The following DLG1 variants were observed in gnomAD, a reference collection of about 807,000 sequenced individuals.
DLG1 encodes disks large homolog 1.
DLG1 carries 42 observed loss-of-function variants against 123.4 expected under a neutral mutation model. The ratio of observed to expected loss-of-function variants is 0.34; its 90% CI spans 0.27 to 0.44. The LOEUF (loss-of-function observed/expected upper bound fraction) is 0.44. Among genes scored for constraint, DLG1 ranks in the 20% least tolerant of loss-of-function variants. DLG1 has a pLI of 1.00. For missense variants in DLG1, 942 were observed against 1,082.6 expected, an observed-to-expected ratio of 0.87 and a Z score of 1.82; for synonymous variants, 317 against 356.2, an observed-to-expected ratio of 0.89 and a Z score of 1.24.
At chr3:197,117,890 G>A (rs1284862737) in intron 12 of DLG1, among the ~76,000 whole-genome samples, 2 of 151,954 alleles carry the variant, frequency 1.3e-5, no homozygotes, top group South Asian at 2.1e-4. Flanking sequence ...CTTTAAACAG[G>A]TGAAATTTAT....
At chr3:197,239,595 A>AT (rs34899811) in intron 4 of DLG1, among the ~76,000 whole-genome samples, 109,179 of 151,814 alleles carry the variant, frequency 0.72, 39,423 homozygotes, top group East Asian at 0.81. Context: ...AGCAAATCAG[A>AT]TTGACAGCAT....
chr3:197,133,473 G>A (rs977759747), intron 10 of DLG1, among the ~76,000 whole-genome samples: 11 of 152,176 alleles, frequency 7.2e-5, no homozygotes, highest in African/African-American at 2.7e-4. Context: ...AAATACATGA[G>A]TGGTGTTTTT....
chr3:197,286,171 A>G (rs1317820665), intron 3 of DLG1, among the ~76,000 whole-genome samples: 1 of 152,236 alleles, frequency 6.6e-6, no homozygotes, highest in Non-Finnish European at 1.5e-5. Flanking sequence ...AGGCAAAACT[A>G]TGGAGACAGT....
intron 12 of DLG1, among the ~76,000 whole-genome samples, chr3:197,118,945 A>G (rs1025131303): frequency 6.6e-6 from 1 of 152,112 alleles, no homozygotes; most frequent in East Asian, 1.9e-4. Flanking sequence ...TGGAGGCTGC[A>G]GTGATGTACG....
chr3:197,163,687 A>ATTTTTTTTTTTTTT (rs56865627), intron 5 of DLG1, among the ~76,000 whole-genome samples: 33 of 102,048 alleles, frequency 3.2e-4, no homozygotes, highest in African/African-American at 3.8e-4. Flanking sequence ...ATGCTCAGCT[A>ATTTTTTTTTTTTTT]TTTTTTTTTT....
intron 11 of DLG1, among the ~76,000 whole-genome samples, chr3:197,129,457 T>A (rs1242463156): frequency 6.6e-6 from 1 of 152,216 alleles, no homozygotes; most frequent in African/African-American, 2.4e-5. Flanking sequence ...AATCTTATGG[T>A]TGGTTTGATC....
intron 4 of DLG1, among the ~76,000 whole-genome samples, chr3:197,234,351 C>G (rs920727291): frequency 6.6e-6 from 1 of 152,144 alleles, no homozygotes; most frequent in Admixed American, 6.5e-5. Flanking sequence ...ATGCTTTTCT[C>G]AGGGAGGAGG....
intron 5 of DLG1, among the ~76,000 whole-genome samples, chr3:197,182,899 T>C (rs1181066317): frequency 6.6e-6 from 1 of 152,194 alleles, no homozygotes; most frequent in African/African-American, 2.4e-5. Flanking sequence ...GTGATTTTTT[T>C]TAATTTTGAG....
chr3:197,164,498 G>T lies in DLG1; in HGVS notation c.484-14702C>A, dbSNP rs550875820. Reference sequence around the variant, plus strand: ...CCTATGTTTTAAGGTACTCCCATAAGGTGTTCTAAGGTTTTAAGATAGTCT... The same window carrying T: ...CCTATGTTTTAAGGTACTCCCATAATGTGTTCTAAGGTTTTAAGATAGTCT... On this transcript the variant is annotated intron_variant, in intron 5 of 24. Coordinates refer to ENST00000667157, the MANE Select transcript of DLG1 (RefSeq NM_001366207.1). Among the ~76,000 whole-genome samples, 3 of 152,144 alleles carry T rather than the reference G, an allele frequency of 2.0e-5. No homozygotes were observed. In the East Asian group the frequency reaches 5.8e-4, roughly 29 times the overall value.
intron 24 of DLG1, among the ~76,000 whole-genome samples, chr3:197,048,076 G>A (rs765884508): frequency 6.6e-6 from 1 of 152,122 alleles, no homozygotes; most frequent in Non-Finnish European, 1.5e-5. Flanking sequence ...TTAAAAAATG[G>A]GCAAAGGACT....
intron 2 of DLG1, 112 bp downstream of exon 2, chr3:197,297,074 G>A (rs1321014255): frequency 3.5e-6 from 4 of 1,150,466 alleles, no homozygotes; most frequent in Non-Finnish European, 5.2e-6. Context: ...AATAAAGCTA[G>A]GACCGTGCTG....
chr3:197,067,090 A>T (rs944383748), intron 19 of DLG1, among the ~76,000 whole-genome samples: 1 of 152,146 alleles, frequency 6.6e-6, no homozygotes, highest in Non-Finnish European at 1.5e-5. Context: ...TTAATGCTTT[A>T]ATGAGCAGAT....
At position 197,053,183 on chromosome 3, in the gene DLG1, A is replaced by C. The variant is rs1307874489; in HGVS notation, c.2484-1515T>G. Among the ~76,000 whole-genome samples, 4 of 152,324 alleles carry C rather than the reference A, an allele frequency of 2.6e-5. 1 individual carries two copies. The South Asian group carries it at 8.3e-4, about 32-fold the overall frequency. On this transcript the variant is annotated intron_variant, in intron 23 of 24. Coordinates refer to ENST00000667157, the MANE Select transcript of DLG1 (RefSeq NM_001366207.1). ...TGAGTATAGAGTTCGTTCCCAACTT[A>C]AAGGAAAGCCTTCAATATTTTGCCA... is the stretch of plus-strand genomic sequence containing the variant.
chr3:197,110,148 T>C (rs1270428221), intron 13 of DLG1, among the ~76,000 whole-genome samples: 5 of 152,220 alleles, frequency 3.3e-5, no homozygotes, highest in Non-Finnish European at 5.9e-5. Context: ...ATCCCATAGG[T>C]CTCTGAAGCT....
rs1560525861 is a variant in DLG1, at chr3:197,081,044, TACTC to T, written c.1905+3_1905+6del. 8.1e-6 allele frequency: 13 copies of T among 1,610,640 alleles called. No individual in the cohort carries two copies. The highest frequency in any genetic ancestry group is 2.2e-5 in the East Asian group (1 of 44,726). ...ATTACAAAAATGTAGAGATTTCAAA[TACTC>T]ACCCCTTTATCTCTCGTTTTAGAAT... is the stretch of plus-strand genomic sequence containing the variant. On this transcript the variant is annotated splice_donor_5th_base_variant and intron_variant, in intron 17 of 24. Coordinates refer to ENST00000667157, the MANE Select transcript of DLG1 (RefSeq NM_001366207.1).
chr3:197,059,633 C>CCACTAGTCACTATTAACACTAGTCA (rs71623333), intron 23 of DLG1, among the ~76,000 whole-genome samples: 2 of 151,806 alleles, frequency 1.3e-5, no homozygotes, highest in African/African-American at 4.8e-5. Flanking sequence ...ACTTCAGTAG[C>CCACTAGTCACTATTAACACTAGTCA]CACTAGTCAC....
chr3:197,182,321 G>A (rs1258048873), intron 5 of DLG1, among the ~76,000 whole-genome samples: 1 of 151,978 alleles, frequency 6.6e-6, no homozygotes, highest in African/African-American at 2.4e-5. Context: ...TAAATCAATC[G>A]TTGCCCATTC....
In DLG1 at chr3:197,199,495, A is replaced by G. The variant is rs367878082; in HGVS notation, c.319-4906T>C. 4.6e-5 allele frequency among the ~76,000 whole-genome samples: 7 copies of G among 152,190 alleles called. No homozygotes were observed. In the South Asian group the frequency reaches 1.2e-3, roughly 27 times the overall value. Reference sequence around the variant, plus strand: ...GAAACAAATTTCATCCCATCCCAACATATCTCATTATGTATATGCAAATAT... The same window carrying G: ...GAAACAAATTTCATCCCATCCCAACGTATCTCATTATGTATATGCAAATAT... On this transcript the variant is annotated intron_variant, in intron 4 of 24. Transcript: ENST00000667157.
chr3:197,285,643 G>A (rs1158359927), intron 3 of DLG1, among the ~76,000 whole-genome samples: 1 of 152,144 alleles, frequency 6.6e-6, no homozygotes, highest in African/African-American at 2.4e-5. Flanking sequence ...TGGCAAGTGA[G>A]CATATATCAA....
Sources: gnomAD v4.1 joint callset for allele counts (sites outside exome capture counted in the v4.1 genomes callset) on GRCh38, gnomAD v4.1.1 for gene constraint, MANE v1.5 for transcripts, NCBI Gene and HGNC (gene_info 2026-07-23, HGNC 2026-07-21) for gene names.